PHC3: variants seen among roughly 807,000 people sequenced by gnomAD.
The protein encoded by PHC3 is polyhomeotic homolog 3.
A neutral mutation model predicts 107.4 loss-of-function variants in PHC3; 13 were observed. The ratio of observed to expected loss-of-function variants is 0.12; its 90% CI spans 0.08 to 0.19. The LOEUF is 0.19. PHC3 is among the 10% of genes least tolerant of loss of function. The pLI is 1.00. For missense variants in PHC3, 992 were observed against 1,210.9 expected (o/e 0.82, Z 2.68); for synonymous variants, 456 against 427.4 (o/e 1.07, Z -0.83).
chr3:170,167,212 G>C (rs1486574495), intron 4 of PHC3, among the ~76,000 whole-genome samples: 2 of 152,008 alleles, frequency 1.3e-5, no homozygotes, highest in Admixed American at 1.3e-4. Context: ...GCAATGGTAT[G>C]ATCTCAGCTC....
intron 4 of PHC3, among the ~76,000 whole-genome samples, chr3:170,152,273 T>C (rs1726116816): frequency 6.6e-6 from 1 of 151,350 alleles, no homozygotes; most frequent in Admixed American, 6.6e-5. Context: ...TGGGTTCACA[T>C]CATTCTCCTG....
At chr3:170,118,612 T>A (rs1577037467) in intron 9 of PHC3, among the ~76,000 whole-genome samples, 1 of 152,060 alleles carries the variant, frequency 6.6e-6, no homozygotes, top group Non-Finnish European at 1.5e-5. Flanking sequence ...GGGGTTTCAC[T>A]GTGTTAGCCA....
At chr3:170,103,770 A>G (rs1715929253) in intron 12 of PHC3, among the ~76,000 whole-genome samples, 1 of 152,202 alleles carries the variant, frequency 6.6e-6, no homozygotes, top group Non-Finnish European at 1.5e-5. Flanking sequence ...AAATACCCTG[A>G]GCCAGGCCCA....
chr3:170,149,236 G>C lies in PHC3; in HGVS notation c.423C>G (p.Leu141=). The C allele has an allele frequency of 6.2e-7, 1 of 1,610,164 alleles. No homozygotes were observed. The highest frequency in any genetic ancestry group is 1.1e-5 in the South Asian group (1 of 90,546). Residue 141 remains leucine, a synonymous_variant, in exon 5 of 15, where the codon CTC becomes CTG. Transcript: ENST00000495893. The part of the protein sequence containing the change: ...QSSMSQTSIN[L]STSPTPAQLI... ...ACTGTGCAGGTGTAGGAGAAGTGGAGAGGTTGATCTAAGGAAGAAAACATA... is the reference window on the plus strand; with the variant it reads ...ACTGTGCAGGTGTAGGAGAAGTGGACAGGTTGATCTAAGGAAGAAAACATA...
At chr3:170,143,321 G>A (rs374867590) in intron 6 of PHC3, among the ~76,000 whole-genome samples, 14 of 151,862 alleles carry the variant, frequency 9.2e-5, no homozygotes, top group East Asian at 5.8e-4. Flanking sequence ...TTATAAATAC[G>A]GGGGAAAAAA....
chr3:170,165,521 G>C (rs1238545835), intron 4 of PHC3, among the ~76,000 whole-genome samples: 4 of 152,038 alleles, frequency 2.6e-5, no homozygotes, highest in Non-Finnish European at 4.4e-5. Flanking sequence ...GGGAGGCTGA[G>C]GCAGGTGGAT....
intron 6 of PHC3, among the ~76,000 whole-genome samples, chr3:170,138,353 A>G (rs1335263933): frequency 6.6e-6 from 1 of 152,218 alleles, no homozygotes; most frequent in Non-Finnish European, 1.5e-5. Flanking sequence ...CAATGTAAAC[A>G]TAAATGGACT....
At chr3:170,132,426 C>T (rs370103610) in intron 7 of PHC3, among the ~76,000 whole-genome samples, 6 of 152,148 alleles carry the variant, frequency 3.9e-5, no homozygotes, top group African/African-American at 9.7e-5. Context: ...GCACAAAATT[C>T]GTATGCTGAA....
intron 4 of PHC3, among the ~76,000 whole-genome samples, chr3:170,154,435 T>G (rs1413160929): frequency 6.6e-6 from 1 of 152,128 alleles, no homozygotes; most frequent in East Asian, 1.9e-4. Context: ...AACTTTTTTT[T>G]CAGTTGGTGA....
chr3:170,171,495 T>C, intron 3 of PHC3, 45 bp from the exon 4 acceptor site: 2 of 1,377,348 alleles, frequency 1.5e-6, no homozygotes, highest in Non-Finnish European at 2.0e-6. Flanking sequence ...AAACCTGAAG[T>C]TAAGAACTTT....
Position 170,181,724 on chromosome 3 carries a change from C to T in PHC3, c.-9G>A, listed in dbSNP as rs371170050. 3 of 1,612,862 alleles carry T rather than the reference C, an allele frequency of 1.9e-6. No individual in the cohort carries two copies. The highest frequency in any genetic ancestry group is 8.5e-7 in the Non-Finnish European group (1 of 1,179,824). On this transcript the variant is annotated 5_prime_UTR_variant, in exon 1 of 15. Transcript: ENST00000495893. ...CACTCCGCTTCCGCCATCTTCTCTC[C>T]TCCATCACTAACATGGGCTGCGCAT...
chr3:170,128,639 T>C (rs1472146965), intron 8 of PHC3, 45 bp downstream of exon 8: 1 of 1,565,314 alleles, frequency 6.4e-7, no homozygotes, highest in Admixed American at 2.0e-5. Context: ...AAATAGTTTT[T>C]ACTTTCAGTT....
At chr3:170,129,717 G>C (rs1309513359) in intron 7 of PHC3, among the ~76,000 whole-genome samples, 165 bp from the exon 8 acceptor site, 1 of 143,412 alleles carries the variant, frequency 7.0e-6, no homozygotes, top group Non-Finnish European at 1.5e-5. Flanking sequence ...TTTTTTTTTT[G>C]AGACAGAGTC....
chr3:170,146,636 G>A (rs1202052933), intron 5 of PHC3, among the ~76,000 whole-genome samples: 1 of 147,574 alleles, frequency 6.8e-6, no homozygotes, highest in African/African-American at 2.5e-5. Flanking sequence ...GGGTTCAAGC[G>A]ATTCTCCTGC....
At chr3:170,117,185 T>C (rs1409259847) in intron 10 of PHC3, 41 bp downstream of exon 10, 2 of 1,611,288 alleles carry the variant, frequency 1.2e-6, no homozygotes, top group Non-Finnish European at 1.7e-6. Context: ...AATAATGTTA[T>C]ATAAATTACA....
chr3:170,128,978 G>A lies in PHC3; in HGVS notation c.1494C>T (p.His498=). ...AGGACTGCAGGGATGAATATTGCTG[G>A]TGTGATGGAGAGACAATCTGCTGGC... ...SPGQQIVSPS[H]QQYSSLQSSP... The change falls in exon 8 of 15, where the codon CAC becomes CAT. Residue 498 remains histidine, a synonymous_variant. Coordinates refer to ENST00000495893, the MANE Select transcript of PHC3 (RefSeq NM_024947.4). 6.2e-7 allele frequency: 1 copy of A among 1,613,984 alleles called. No individual in the cohort carries two copies. The highest frequency in any genetic ancestry group is 8.5e-7 in the Non-Finnish European group (1 of 1,179,882).
intron 5 of PHC3, among the ~76,000 whole-genome samples, chr3:170,145,776 A>G (rs1724837292): frequency 1.3e-5 from 2 of 152,212 alleles, no homozygotes; most frequent in African/African-American, 2.4e-5. Context: ...AAGAAAATAT[A>G]TTTTGGTGAT....
intron 8 of PHC3, among the ~76,000 whole-genome samples, chr3:170,126,492 T>C (rs1049384558): frequency 6.9e-6 from 1 of 144,328 alleles, no homozygotes; most frequent in African/African-American, 2.6e-5. Flanking sequence ...TTCAAAGTAT[T>C]ATGCTCCATA....
intron 12 of PHC3, 49 bp downstream of exon 12, chr3:170,106,783 G>T (rs1248362399): frequency 3.7e-6 from 5 of 1,359,054 alleles, no homozygotes; most frequent in South Asian, 2.7e-5. Flanking sequence ...TGGTTTAGTT[G>T]CAATGGCTAT....
Sources: gnomAD v4.1 joint callset for allele counts (sites outside exome capture counted in the v4.1 genomes callset) on GRCh38, gnomAD v4.1.1 for gene constraint, MANE v1.5 for transcripts, NCBI Gene and HGNC (gene_info 2026-07-23, HGNC 2026-07-21) for gene names.